SLC1A2: variants seen among roughly 807,000 people sequenced by gnomAD.
SLC1A2 encodes the protein excitatory amino acid transporter 2.
Under a neutral mutation model 48.8 loss-of-function variants are expected in SLC1A2, and 15 were observed. The ratio of observed to expected loss-of-function variants is 0.31; its 90% confidence interval spans 0.21 to 0.47. The LOEUF (loss-of-function observed/expected upper bound fraction) is 0.47, where lower values mean the gene tolerates loss of function less well. Among genes scored for constraint, SLC1A2 ranks in the 20% least tolerant of loss-of-function variants. SLC1A2 has a pLI of 0.99. For missense variants in SLC1A2, 502 were observed against 730.5 expected (o/e 0.69, Z 3.61); for synonymous variants, 279 against 272.6 (o/e 1.02, Z -0.23).
chr11:35,377,875 A>C (rs1224614478), intron 1 of SLC1A2, among the ~76,000 whole-genome samples: 1 of 152,260 alleles, frequency 6.6e-6, no homozygotes. Context: ...AGAAAATTGC[A>C]AGCATTCTTT....
At chr11:35,375,989 C>T (rs920816116) in intron 1 of SLC1A2, among the ~76,000 whole-genome samples, 2 of 152,212 alleles carry the variant, frequency 1.3e-5, no homozygotes, top group Non-Finnish European at 2.9e-5. Context: ...GGCTGTCTGG[C>T]TCCACAGTCC....
At chr11:35,418,269 A>G (rs1923294) in intron 1 of SLC1A2, 68,611 of 152,162 alleles carry the variant, frequency 0.45, 15,631 homozygotes, top group Middle Eastern at 0.53. Flanking sequence ...ACACGACTCC[A>G]GATCCTCGGG....
chr11:35,321,113 A>G (rs945157772), intron 1 of SLC1A2, among the ~76,000 whole-genome samples: 1 of 152,190 alleles, frequency 6.6e-6, no homozygotes, highest in Non-Finnish European at 1.5e-5. Flanking sequence ...AGAAGCGCCA[A>G]GCAAAAGGGG....
At chr11:35,330,625 C>T (rs187252374) in intron 1 of SLC1A2, among the ~76,000 whole-genome samples, 1 of 152,278 alleles carries the variant, frequency 6.6e-6, no homozygotes, top group East Asian at 1.9e-4. Context: ...CGCCTGAATT[C>T]TCCAGGTGGG....
chr11:35,316,221 C>G (rs989415404), intron 2 of SLC1A2: 5 of 152,204 alleles, frequency 3.3e-5, no homozygotes, highest in African/African-American at 4.8e-5. Context: ...TTTTATATCT[C>G]TGCAAATGGG....
chr11:35,356,711 T>C lies in SLC1A2; in HGVS notation c.18-39195A>G, dbSNP rs147813322. Among the ~76,000 whole-genome samples the C allele has an allele frequency of 1.9e-3, 293 of 152,264 alleles. 1 individual carries two copies. The highest frequency in any genetic ancestry group is 6.2e-3 in the African/African-American group (259 of 41,554). ...TAAGCAGGTGAATGGCATTGACAAA[T>C]GTAAAATCTCTGACAATTTAGAGAG... On this transcript the variant is annotated intron_variant, in intron 1 of 10. Transcript: ENST00000278379.
At chr11:35,265,295 A>T in intron 10 of SLC1A2, 1 of 557,678 alleles carries the variant, frequency 1.8e-6, no homozygotes, top group Non-Finnish European at 3.1e-6. Context: ...TTCACATCAC[A>T]TGGACGAAAT....
chr11:35,408,823 T>C (rs925077274), intron 1 of SLC1A2, among the ~76,000 whole-genome samples: 3 of 152,266 alleles, frequency 2.0e-5, no homozygotes, highest in African/African-American at 2.4e-5. Context: ...AGATTGAATG[T>C]AATCAGTGAC....
chr11:35,286,818 C>T lies in SLC1A2; in HGVS notation c.1225G>A (p.Ala409Thr), dbSNP rs1022532582. Residue 409 changes from alanine (A) to threonine (T), a missense_variant, in exon 8 of 11, where the codon GCC becomes ACC. Around this residue, in one of 4 missense-constraint regions of SLC1A2, gnomAD observed 309 missense variants for 480.3 expected, o/e 0.64. Transcript: ENST00000278379. ...DGTALYEAVA[A>T]IFIAQMNGVV... ...CCATTCATTTGGGCTATAAAGATGG[C>T]GGCTACCGCTTCATAAAGGGCTGTA... 7 of 1,613,656 alleles carry T rather than the reference C, an allele frequency of 4.3e-6. No individual in the cohort carries two copies. The highest frequency in any genetic ancestry group is 5.9e-6 in the Non-Finnish European group (7 of 1,179,808).
chr11:35,280,784 A>T (rs578057649), intron 9 of SLC1A2, 83 bp downstream of exon 9: 2 of 899,216 alleles, frequency 2.2e-6, no homozygotes, highest in South Asian at 3.8e-5. Flanking sequence ...ATTAGCTAAG[A>T]TCTTGGTTGC....
chr11:35,327,587 G>A (rs1327608938), intron 1 of SLC1A2, among the ~76,000 whole-genome samples: 2 of 152,104 alleles, frequency 1.3e-5, no homozygotes, highest in Admixed American at 6.5e-5. Flanking sequence ...TCCATAACAG[G>A]AACCCAAGCA....
At chr11:35,267,667 T>C (rs1850139541) in intron 9 of SLC1A2, among the ~76,000 whole-genome samples, 1 of 152,164 alleles carries the variant, frequency 6.6e-6, no homozygotes, top group African/African-American at 2.4e-5. Context: ...TGGTCTACTT[T>C]GGAGCTACTC....
intron 1 of SLC1A2, among the ~76,000 whole-genome samples, chr11:35,400,781 T>C (rs559906773): frequency 7.2e-5 from 11 of 152,202 alleles, no homozygotes; most frequent in Non-Finnish European, 1.6e-4. Flanking sequence ...TGTCAAACTC[T>C]GTAAAATATT....
At chr11:35,399,972 T>C (rs1452501439) in intron 1 of SLC1A2, among the ~76,000 whole-genome samples, 1 of 152,178 alleles carries the variant, frequency 6.6e-6, no homozygotes, top group African/African-American at 2.4e-5. Context: ...GCTGAAGATT[T>C]TGCCATGTAA....
At chr11:35,402,902 A>G (rs901274022) in intron 1 of SLC1A2, among the ~76,000 whole-genome samples, 3 of 152,246 alleles carry the variant, frequency 2.0e-5, no homozygotes, top group Non-Finnish European at 2.9e-5. Context: ...CAGCACTCAA[A>G]TGATCAAAGA....
In SLC1A2 at chr11:35,258,767, C is replaced by G. The variant is rs1434711927; in HGVS notation, c.*2127G>C. On this transcript the variant is annotated 3_prime_UTR_variant, in exon 11 of 11. Coordinates refer to ENST00000278379, the MANE Select transcript of SLC1A2 (RefSeq NM_004171.4). The stretch of plus-strand genomic sequence containing the variant: ...CCATCCTGGCTAACATAATGAAACC[C>G]ATCTGTACTAAAAATACAAAAAATT... 6.6e-6 allele frequency: 1 copy of G among 152,048 alleles called. No homozygotes were observed. The highest frequency in any genetic ancestry group is 2.4e-5 in the African/African-American group (1 of 41,374). The allele number at this position is 152,048 out of a possible 1,614,324, so 9.4% of individuals were successfully genotyped here.
At chr11:35,302,822 G>GGGCT (rs1318511997) in intron 5 of SLC1A2, among the ~76,000 whole-genome samples, 2 of 150,406 alleles carry the variant, frequency 1.3e-5, no homozygotes, top group Non-Finnish European at 3.0e-5. Context: ...TACTGCCTGG[G>GGGCT]GGCTATCTGG....
chr11:35,356,126 T>C lies in SLC1A2; in HGVS notation c.18-38610A>G, dbSNP rs1478073138. 2.6e-5 allele frequency among the ~76,000 whole-genome samples: 4 copies of C among 152,196 alleles called. 1 individual carries two copies. The highest frequency in any genetic ancestry group is 7.2e-5 in the African/African-American group (3 of 41,436). On this transcript the variant is annotated intron_variant, in intron 1 of 10. Transcript: ENST00000278379. ...GTTGTAGGATGTCTAGCAGTAATGA[T>C]TCTAAAGATTCTATAACTTTGTACT...
chr11:35,317,181 G>T, intron 2 of SLC1A2, 196 bp downstream of exon 2: 1 of 542,982 alleles, frequency 1.8e-6, no homozygotes. Context: ...AGAACTACTA[G>T]AATCCAAAGG....
Sources: allele counts gnomAD v4.1 joint callset (sites outside exome capture counted in the v4.1 genomes callset), GRCh38; gene constraint gnomAD v4.1.1; regional missense constraint gnomAD v4.1.1; transcripts MANE v1.5; gene names NCBI Gene and HGNC (gene_info 2026-07-23, HGNC 2026-07-21).